Variants in PDE1C observed in about 807,000 individuals in gnomAD.
PDE1C encodes dual specificity calcium/calmodulin-dependent 3',5'-cyclic nucleotide phosphodiesterase 1C.
A neutral mutation model predicts 93.1 loss-of-function variants in PDE1C; 62 were observed. The observed-to-expected ratio is 0.67, with a 90% CI of 0.54 to 0.82. PDE1C has a LOEUF of 0.82. Ranked by LOEUF, PDE1C falls within the 40% of genes least tolerant of loss-of-function variation. The pLI is 0.00. For missense variants in PDE1C, 742 were observed against 884.6 expected (o/e 0.84, Z 2.04); for synonymous variants, 325 against 310.1 (o/e 1.05, Z -0.50).
chr7:31,631,485 TTTTA>T, the PDE1C span, among the ~76,000 whole-genome samples: 2 of 152,252 alleles, frequency 1.3e-5, no homozygotes, highest in Non-Finnish European at 2.9e-5. Context: ...GATCTTTATT[TTTTA>T]TTTATGATTT....
intron 2 of PDE1C, among the ~76,000 whole-genome samples, chr7:32,025,917 C>T (rs748986267): frequency 1.3e-4 from 20 of 152,242 alleles, no homozygotes; most frequent in Admixed American, 1.2e-3. Flanking sequence ...GTGCTGGCAG[C>T]GTCTGTTCCT....
the PDE1C span, among the ~76,000 whole-genome samples, chr7:31,634,557 T>A: frequency 1.9e-3 from 290 of 152,222 alleles, 4 homozygotes; most frequent in African/African-American, 6.6e-3. Context: ...CAGACTCCAG[T>A]AGAGCAGGCT....
chr7:32,160,745 G>T (rs1221773602), intron 3 of PDE1C, among the ~76,000 whole-genome samples: 1 of 152,078 alleles, frequency 6.6e-6, no homozygotes, highest in Non-Finnish European at 1.5e-5. Flanking sequence ...AGGAGGCAGA[G>T]GTTACGGTGA....
At chr7:31,859,925 T>C (rs1019833807) in intron 7 of PDE1C, among the ~76,000 whole-genome samples, 1 of 152,190 alleles carries the variant, frequency 6.6e-6, no homozygotes, top group African/African-American at 2.4e-5. Flanking sequence ...TGAATTTTAG[T>C]CATAGAAATC....
At chr7:31,820,379 A>G (rs1303278277) in intron 14 of PDE1C, among the ~76,000 whole-genome samples, 3 of 152,200 alleles carry the variant, frequency 2.0e-5, no homozygotes, top group African/African-American at 7.2e-5. Flanking sequence ...GTTAAAAAAA[A>G]GTACTAAATA....
intron 16 of PDE1C, among the ~76,000 whole-genome samples, chr7:31,791,314 T>A (rs1784570117): frequency 6.6e-6 from 1 of 152,112 alleles, no homozygotes; most frequent in South Asian, 2.1e-4. Flanking sequence ...ATTAACACCT[T>A]CACCCATTTG....
intron 3 of PDE1C, among the ~76,000 whole-genome samples, chr7:32,133,184 C>A (rs763884436): frequency 2.6e-5 from 4 of 152,068 alleles, no homozygotes; most frequent in Non-Finnish European, 4.4e-5. Context: ...ATATATACAG[C>A]GTTTAAAGAC....
chr7:31,839,075 A>T (rs138341053), intron 9 of PDE1C, among the ~76,000 whole-genome samples: 1,690 of 148,380 alleles, frequency 0.011, 33 homozygotes, highest in African/African-American at 0.038. Flanking sequence ...TATTATATAC[A>T]TACATGTAGA....
At chr7:31,966,895 T>A (rs560121752) in intron 2 of PDE1C, among the ~76,000 whole-genome samples, 4 of 152,188 alleles carry the variant, frequency 2.6e-5, no homozygotes, top group African/African-American at 7.2e-5. Flanking sequence ...GAAATAAAGA[T>A]GTTCTTTGAA....
chr7:31,804,623 T>A (rs993776530), intron 16 of PDE1C, among the ~76,000 whole-genome samples: 1 of 151,748 alleles, frequency 6.6e-6, no homozygotes, highest in Non-Finnish European at 1.5e-5. Context: ...CTCAGTATAA[T>A]TTTTTTTCTT....
At chr7:31,786,287 T>G (rs987780109) in intron 16 of PDE1C, 1 of 152,200 alleles carries the variant, frequency 6.6e-6, no homozygotes, top group African/African-American at 2.4e-5. Context: ...GTGCTTTTTT[T>G]TTTTTGTATT....
intron 3 of PDE1C, among the ~76,000 whole-genome samples, chr7:32,149,125 T>C (rs1350904637): frequency 6.6e-6 from 1 of 152,126 alleles, no homozygotes; most frequent in Non-Finnish European, 1.5e-5. Flanking sequence ...AATTAAACAC[T>C]GCAGAGTACC....
intron 1 of PDE1C, among the ~76,000 whole-genome samples, chr7:32,389,201 T>TG (rs759097838): frequency 0.012 from 1,042 of 83,512 alleles, 3 homozygotes; most frequent in Non-Finnish European, 0.018. Flanking sequence ...GTTTTTTTGG[T>TG]TTTTGTTTGT....
chr7:31,769,535 G>A (rs6977826), intron 17 of PDE1C, among the ~76,000 whole-genome samples: 144,042 of 152,280 alleles, frequency 0.95, 68,620 homozygotes, highest in East Asian at 1. Flanking sequence ...TCCATATCCT[G>A]CTAAAATTTC....
intron 11 of PDE1C, among the ~76,000 whole-genome samples, chr7:31,830,834 A>G (rs1790292505): frequency 2.0e-5 from 3 of 152,212 alleles, no homozygotes; most frequent in African/African-American, 7.2e-5. Flanking sequence ...GAAGCAAGGT[A>G]GATGGCAGAA....
At chr7:32,108,157 T>C (rs141307837) in intron 3 of PDE1C, among the ~76,000 whole-genome samples, 23 of 142,004 alleles carry the variant, frequency 1.6e-4, no homozygotes, top group Middle Eastern at 4.3e-3. Flanking sequence ...ATCTCAGTAA[T>C]CACCTTAAAA....
At chr7:31,914,223 A>G (rs114632749) in intron 2 of PDE1C, among the ~76,000 whole-genome samples, 2,388 of 152,260 alleles carry the variant, frequency 0.016, 66 homozygotes, top group African/African-American at 0.054. Context: ...GTCAAAGTCC[A>G]AGATCTTAAT....
At chr7:31,625,002 G>C in the PDE1C span, among the ~76,000 whole-genome samples, 4 of 152,170 alleles carry the variant, frequency 2.6e-5, no homozygotes, top group African/African-American at 4.8e-5. Context: ...CATTTATGCA[G>C]TCAAAAAACA....
chr7:31,794,025 T>TAGATAGAC (rs1562807241), intron 16 of PDE1C, among the ~76,000 whole-genome samples: 2 of 112,278 alleles, frequency 1.8e-5, no homozygotes, highest in Admixed American at 8.9e-5. Flanking sequence ...GATAGATAGA[T>TAGATAGAC]AGATAGATAG....
Sources: gnomAD v4.1 joint callset for allele counts (sites outside exome capture counted in the v4.1 genomes callset) on GRCh38, gnomAD v4.1.1 for gene constraint, MANE v1.5 for transcripts, NCBI Gene and HGNC (gene_info 2026-07-23, HGNC 2026-07-21) for gene names.